TENM3: variants seen among roughly 807,000 people sequenced by gnomAD.
TENM3 encodes the protein teneurin transmembrane protein 3, also known as teneurin-3.
In TENM3, 63 loss-of-function variants were observed where a neutral mutation model predicts 255.1. The observed-to-expected ratio is 0.25, with a 90% CI of 0.20 to 0.30. TENM3 has a LOEUF of 0.30. Ranked by LOEUF, TENM3 falls within the 10% of genes least tolerant of loss-of-function variation. The pLI is 1.00. For synonymous variants in TENM3, 1,306 were observed against 1,322.3 expected (o/e 0.99, Z 0.27); for missense variants, 2,929 against 3,461.1 (o/e 0.85, Z 3.86).
At chr4:182,226,271 A>G (rs1010790433) in intron 1 of TENM3, among the ~76,000 whole-genome samples, 13 of 152,126 alleles carry the variant, frequency 8.5e-5, no homozygotes, top group African/African-American at 3.1e-4. Context: ...GATTCCTAGG[A>G]GACTGTGCTA....
chr4:182,621,756 T>C lies in TENM3; in HGVS notation c.750-6895T>C, dbSNP rs1158484802. 4.7e-5 allele frequency among the ~76,000 whole-genome samples: 4 copies of C among 85,238 alleles called. 1 individual carries two copies. The highest frequency in any genetic ancestry group is 1.9e-4 in the African/African-American group (4 of 20,786). The allele number at this position is 85,238 out of a possible 152,430, so 55.9% of individuals were successfully genotyped here. ...ATATATAATATATAATATATTATAA[T>C]ATATAATAATTATATATTATATATA... On this transcript the variant is annotated intron_variant, in intron 4 of 27. Transcript: ENST00000511685.
intron 3 of TENM3, among the ~76,000 whole-genome samples, chr4:182,362,250 C>G (rs554203532): frequency 8.6e-4 from 131 of 152,268 alleles, no homozygotes; most frequent in African/African-American, 2.8e-3. Context: ...CTCTTCAAAG[C>G]TGTCAGACAG....
At chr4:182,603,450 C>G (rs1748091440) in intron 4 of TENM3, among the ~76,000 whole-genome samples, 1 of 152,092 alleles carries the variant, frequency 6.6e-6, no homozygotes, top group African/African-American at 2.4e-5. Context: ...AAGTTCACAT[C>G]TTACAGTGTC....
intron 1 of TENM3, among the ~76,000 whole-genome samples, chr4:182,279,356 T>C (rs1487672604): frequency 6.6e-6 from 1 of 152,198 alleles, no homozygotes; most frequent in African/African-American, 2.4e-5. Flanking sequence ...ATTATTATCA[T>C]CTTTAGTATA....
At chr4:181,521,648 C>G in the TENM3 span, among the ~76,000 whole-genome samples, 1 of 152,188 alleles carries the variant, frequency 6.6e-6, no homozygotes, top group African/African-American at 2.4e-5. Flanking sequence ...CATCAATACA[C>G]TAGTCTCTAA....
intron 1 of TENM3, among the ~76,000 whole-genome samples, chr4:182,172,894 A>G (rs1752202501): frequency 1.3e-5 from 2 of 152,214 alleles, no homozygotes; most frequent in African/African-American, 4.8e-5. Context: ...CAATATTAGG[A>G]AATGGATATG....
At chr4:182,416,547 A>T (rs1279491416) in intron 3 of TENM3, among the ~76,000 whole-genome samples, 2 of 152,048 alleles carry the variant, frequency 1.3e-5, no homozygotes, top group Non-Finnish European at 2.9e-5. Flanking sequence ...CTTTTGATTC[A>T]CTACATTTTT....
the TENM3 span, among the ~76,000 whole-genome samples, chr4:181,450,785 G>A: frequency 6.6e-6 from 1 of 152,060 alleles, no homozygotes; most frequent in Non-Finnish European, 1.5e-5. Flanking sequence ...CATAACATGT[G>A]GTGTCACTGA....
intron 7 of TENM3, among the ~76,000 whole-genome samples, chr4:182,676,370 G>A (rs1247060877): frequency 6.6e-6 from 1 of 152,192 alleles, no homozygotes; most frequent in Admixed American, 6.5e-5. Flanking sequence ...GGAGTTGGAA[G>A]CCTGAGTTCT....
At chr4:182,304,240 T>A (rs1414985053) in intron 1 of TENM3, among the ~76,000 whole-genome samples, 2 of 152,150 alleles carry the variant, frequency 1.3e-5, no homozygotes, top group African/African-American at 4.8e-5. Context: ...TGAGACGCAG[T>A]CTTGCTCTGT....
chr4:182,105,135 T>A, the TENM3 span, among the ~76,000 whole-genome samples: 5,885 of 152,064 alleles, frequency 0.039, 386 homozygotes, highest in African/African-American at 0.13. Flanking sequence ...ATTGGTTGAG[T>A]CCAGGAAGTC....
At chr4:181,586,589 C>A in the TENM3 span, among the ~76,000 whole-genome samples, 58 of 152,264 alleles carry the variant, frequency 3.8e-4, no homozygotes, top group South Asian at 0.012. Context: ...CACCTGTAAT[C>A]CCAGCACTTT....
chr4:182,393,923 C>T (rs1013846640), intron 3 of TENM3, among the ~76,000 whole-genome samples: 4 of 152,150 alleles, frequency 2.6e-5, no homozygotes, highest in African/African-American at 9.7e-5. Context: ...GATATTATGA[C>T]ATACCAGTCA....
At chr4:181,876,372 A>G in the TENM3 span, among the ~76,000 whole-genome samples, 2 of 152,190 alleles carry the variant, frequency 1.3e-5, no homozygotes, top group East Asian at 3.9e-4. Context: ...CCTTTCATTA[A>G]GTGGAAGGTT....
At chr4:181,595,430 C>CAAAAAAA in the TENM3 span, among the ~76,000 whole-genome samples, 1 of 41,854 alleles carries the variant, frequency 2.4e-5, no homozygotes, top group East Asian at 6.4e-4. Flanking sequence ...GACTCCATCC[C>CAAAAAAA]AAAAAAAAAA....
the TENM3 span, among the ~76,000 whole-genome samples, chr4:181,504,402 G>A: frequency 6.6e-6 from 1 of 152,270 alleles, no homozygotes; most frequent in East Asian, 1.9e-4. Flanking sequence ...AATAGAGTAA[G>A]GAACCAGTGC....
At chr4:181,755,658 G>A in the TENM3 span, among the ~76,000 whole-genome samples, 1 of 152,082 alleles carries the variant, frequency 6.6e-6, no homozygotes, top group African/African-American at 2.4e-5. Context: ...TACTCCAGAA[G>A]AGATACTATA....
At chr4:182,765,452 CTTCT>C (rs1264096707) in intron 22 of TENM3, among the ~76,000 whole-genome samples, 1 of 152,172 alleles carries the variant, frequency 6.6e-6, no homozygotes, top group East Asian at 1.9e-4. Context: ...TGTATTTGAT[CTTCT>C]TTCTTTGCTC....
the TENM3 span, among the ~76,000 whole-genome samples, chr4:181,685,395 G>A: frequency 2.0e-3 from 297 of 152,218 alleles, 2 homozygotes; most frequent in African/African-American, 6.9e-3. Context: ...CATAAGAGAT[G>A]GCATTGTATG....
Sources: gnomAD v4.1 joint callset for allele counts (sites outside exome capture counted in the v4.1 genomes callset) on GRCh38, gnomAD v4.1.1 for gene constraint, MANE v1.5 for transcripts, NCBI Gene and HGNC (gene_info 2026-07-23, HGNC 2026-07-21) for gene names.